Variants in TEX26 observed in about 807,000 individuals in gnomAD.
TEX26 encodes testis expressed 26.
TEX26 carries 34 observed loss-of-function variants against 35.3 expected under a neutral mutation model. The observed-to-expected ratio is 0.96, with a 90% CI of 0.73 to 1.28. The LOEUF (loss-of-function observed/expected upper bound fraction) is 1.28. TEX26 is among the 50% of genes most tolerant of loss of function. The pLI, the probability that TEX26 is intolerant of heterozygous loss-of-function variation, is 0.00. For synonymous variants in TEX26, 136 were observed against 111.8 expected (o/e 1.22, Z -1.36); for missense variants, 371 against 330.1 (o/e 1.12, Z -0.96).
intron 2 of TEX26, among the ~76,000 whole-genome samples, chr13:30,951,950 T>A (rs1374597955): frequency 2.0e-5 from 3 of 148,128 alleles, no homozygotes; most frequent in African/African-American, 7.4e-5. Context: ...GAGAACTTTT[T>A]TTTTTTTTCT....
At chr13:30,932,982 C>T (rs1786183803) in intron 1 of TEX26, 3 of 500,442 alleles carry the variant, frequency 6.0e-6, no homozygotes, top group Non-Finnish European at 1.1e-5. Flanking sequence ...TAACCTTTGC[C>T]AAATCCCCGC....
chr13:30,941,417 C>T (rs558844645), intron 2 of TEX26, among the ~76,000 whole-genome samples: 1 of 152,128 alleles, frequency 6.6e-6, no homozygotes, highest in Non-Finnish European at 1.5e-5. Flanking sequence ...AAATAGATAA[C>T]TTAGGGAGTC....
At chr13:30,952,308 T>C (rs1322989157) in intron 2 of TEX26, among the ~76,000 whole-genome samples, 2 of 152,132 alleles carry the variant, frequency 1.3e-5, no homozygotes, top group Non-Finnish European at 2.9e-5. Flanking sequence ...CTTCCCTTTA[T>C]CAAATGGGAG....
At chr13:30,932,887 A>G in intron 1 of TEX26, 111 bp downstream of exon 1, 2 of 1,225,620 alleles carry the variant, frequency 1.6e-6, no homozygotes, top group Non-Finnish European at 2.3e-6. Flanking sequence ...CATCGCTCTT[A>G]GGAGTATGCT....
intron 2 of TEX26, among the ~76,000 whole-genome samples, chr13:30,949,194 T>C (rs902516000): frequency 1.3e-5 from 2 of 152,218 alleles, no homozygotes; most frequent in Non-Finnish European, 2.9e-5. Context: ...AGCTTTGACT[T>C]TCTTCACAGA....
At chr13:30,957,110 C>A in intron 4 of TEX26, 81 bp downstream of exon 4, 1 of 1,416,112 alleles carries the variant, frequency 7.1e-7, no homozygotes, top group Non-Finnish European at 9.7e-7. Flanking sequence ...TGCGTGTGTT[C>A]TTCTCCTTCA....
chr13:30,970,844 T>C (rs933184852), intron 6 of TEX26, among the ~76,000 whole-genome samples: 11 of 152,220 alleles, frequency 7.2e-5, no homozygotes, highest in African/African-American at 2.7e-4. Context: ...TCCAAGATAC[T>C]GGGGTAAGCT....
chr13:30,948,255 A>AGTAATGGGATG (rs1322762930), intron 2 of TEX26, among the ~76,000 whole-genome samples: 1 of 152,206 alleles, frequency 6.6e-6, no homozygotes, highest in Non-Finnish European at 1.5e-5. Flanking sequence ...GTACATACCT[A>AGTAATGGGATG]GTAATGGGAT....
chr13:30,973,957 C>T (rs1289761007), intron 6 of TEX26, among the ~76,000 whole-genome samples: 1 of 151,068 alleles, frequency 6.6e-6, no homozygotes, highest in East Asian at 1.9e-4. Context: ...TGGGATTATA[C>T]TAAAAGTACA....
In TEX26 at chr13:30,974,131, A is replaced by AAATATATATATATATATAT; in HGVS notation, c.809-714_809-713insATATATATATATATATATA. 7.1e-5 allele frequency among the ~76,000 whole-genome samples: 6 copies of AAATATATATATATATATAT among 84,420 alleles called. No individual in the cohort carries two copies. The East Asian group carries it at 9.4e-4, about 13-fold the overall frequency. The allele number at this position is 84,420 out of a possible 152,430, so 55.4% of individuals were successfully genotyped here. A position where few individuals can be genotyped will look rare whatever the true frequency, so the allele number is the denominator to read the frequency against. ...GTGAGCCTCCATCTAAAAAAAAAAA[A>AAATATATATATATATATAT]ATATATATATATATATATATATATA... On this transcript the variant is annotated intron_variant, in intron 6 of 6. Transcript: ENST00000380473.
intron 2 of TEX26, among the ~76,000 whole-genome samples, chr13:30,942,654 A>G (rs1054179960): frequency 6.6e-5 from 10 of 152,048 alleles, no homozygotes; most frequent in African/African-American, 2.4e-4. Flanking sequence ...CCAGTCTTAT[A>G]TTTAAGTCTT....
chr13:30,954,277 TACACACACACACACACACACAC>T (rs56003143), intron 3 of TEX26, among the ~76,000 whole-genome samples: 3 of 137,954 alleles, frequency 2.2e-5, no homozygotes, highest in African/African-American at 8.1e-5. Context: ...TATAGACCTA[TACACACACACACACACACACAC>T]ACACACACAC....
intron 6 of TEX26, among the ~76,000 whole-genome samples, chr13:30,973,680 A>G (rs767877364): frequency 6.6e-6 from 1 of 152,194 alleles, no homozygotes; most frequent in Non-Finnish European, 1.5e-5. Flanking sequence ...GCACACACAG[A>G]CATCCCTGAT....
intron 2 of TEX26, among the ~76,000 whole-genome samples, chr13:30,949,272 A>C (rs1478061776): frequency 6.6e-6 from 1 of 152,170 alleles, no homozygotes; most frequent in African/African-American, 2.4e-5. Context: ...GTCAATCCTA[A>C]GCCAAAATAC....
At chr13:30,955,080 T>G (rs550318584) in intron 3 of TEX26, among the ~76,000 whole-genome samples, 1 of 149,740 alleles carries the variant, frequency 6.7e-6, no homozygotes, top group African/African-American at 2.5e-5. Flanking sequence ...TATTCAGGGG[T>G]GTCTAATCTT....
rs1196365249 is a variant in TEX26 at position 30,956,906 on chromosome 13, C to G, written c.346C>G (p.Gln116Glu). 6 of 1,614,034 alleles carry G rather than the reference C, an allele frequency of 3.7e-6. No individual in the cohort carries two copies. In the Admixed American group the frequency reaches 8.3e-5, roughly 22 times the overall value. The change falls in exon 4 of 7, where the codon CAA becomes GAA. Residue 116 changes from glutamine (Q) to glutamate (E), a missense_variant. Coordinates refer to ENST00000380473, the MANE Select transcript of TEX26 (RefSeq NM_152325.3). ...CCTGTGGACACTACCTCACTGTCAACAAACGGGGACACTAAAGAACTGCCT... is the reference window on the plus strand; with the variant it reads ...CCTGTGGACACTACCTCACTGTCAAGAAACGGGGACACTAAAGAACTGCCT... Reference protein sequence around the residue: ...IFLWTLPHCQQTGTLKNCLPW... With the variant: ...IFLWTLPHCQETGTLKNCLPW...
chr13:30,955,253 T>A (rs1309276850), intron 3 of TEX26, among the ~76,000 whole-genome samples: 1 of 152,224 alleles, frequency 6.6e-6, no homozygotes, highest in African/African-American at 2.4e-5. Flanking sequence ...TTCAAAGCCA[T>A]CCTGGGTGGG....
At chr13:30,960,406 C>A (rs577153857) in intron 4 of TEX26, among the ~76,000 whole-genome samples, 56 of 152,162 alleles carry the variant, frequency 3.7e-4, no homozygotes, top group African/African-American at 1.2e-3. Context: ...CCACGTCCGG[C>A]TAATTTGTTT....
intron 4 of TEX26, among the ~76,000 whole-genome samples, chr13:30,961,935 A>G (rs1593593200): frequency 6.6e-6 from 1 of 152,136 alleles, no homozygotes; most frequent in East Asian, 1.9e-4. Context: ...TTAAAGAACA[A>G]CTATCCTGAG....
Sources: allele counts gnomAD v4.1 joint callset (sites outside exome capture counted in the v4.1 genomes callset), GRCh38; gene constraint gnomAD v4.1.1; transcripts MANE v1.5; gene names NCBI Gene and HGNC (gene_info 2026-07-23, HGNC 2026-07-21).